The following NALF1 variants were observed in gnomAD, a reference collection of about 807,000 sequenced individuals.
The protein encoded by NALF1 is NALCN channel auxiliary factor 1.
In NALF1, 3 loss-of-function variants were observed where a neutral mutation model predicts 48.4. That is an observed-to-expected ratio of 0.06 (90% CI 0.03 to 0.16). The LOEUF (loss-of-function observed/expected upper bound fraction) is 0.16. Among genes scored for constraint, NALF1 ranks in the 10% least tolerant of loss-of-function variants. The probability of loss-of-function intolerance (pLI) is 1.00; values close to 1 mark genes in which losing one functional copy is unlikely to be tolerated. For missense variants in NALF1, 526 were observed against 571.5 expected, an observed-to-expected ratio of 0.92 and a Z score of 0.81; for synonymous variants, 262 against 245.7, an observed-to-expected ratio of 1.07 and a Z score of -0.62.
At chr13:107,652,131 A>T (rs952347595) in intron 1 of NALF1, among the ~76,000 whole-genome samples, 3 of 152,166 alleles carry the variant, frequency 2.0e-5, no homozygotes, top group Non-Finnish European at 2.9e-5. Context: ...CTCTTCTGTT[A>T]CTTGGACTGG....
intron 1 of NALF1, among the ~76,000 whole-genome samples, chr13:107,707,594 C>A (rs74112577): frequency 6.6e-6 from 1 of 152,144 alleles, no homozygotes; most frequent in Non-Finnish European, 1.5e-5. Flanking sequence ...TTGAGCCAAG[C>A]GGGCAGGAAT....
chr13:107,590,232 A>G (rs976506638), intron 1 of NALF1, among the ~76,000 whole-genome samples: 16 of 152,052 alleles, frequency 1.1e-4, no homozygotes, highest in Non-Finnish European at 1.2e-4. Context: ...AATATTCAAC[A>G]TCTGACTTGC....
intron 1 of NALF1, among the ~76,000 whole-genome samples, chr13:107,220,593 A>G (rs1007333583): frequency 2.0e-5 from 3 of 152,240 alleles, no homozygotes; most frequent in Non-Finnish European, 4.4e-5. Context: ...GTCTGACAGT[A>G]GATAGGTGCC....
chr13:107,711,159 C>A (rs1875578493), intron 1 of NALF1, among the ~76,000 whole-genome samples: 2 of 152,182 alleles, frequency 1.3e-5, no homozygotes, highest in African/African-American at 4.8e-5. Flanking sequence ...TACCTCATCT[C>A]CTCACTACCT....
At chr13:107,526,387 T>A (rs1262981601) in intron 1 of NALF1, among the ~76,000 whole-genome samples, 1 of 152,182 alleles carries the variant, frequency 6.6e-6, no homozygotes, top group Non-Finnish European at 1.5e-5. Context: ...CTTAATTCTG[T>A]TTCAATTGAT....
intron 1 of NALF1, among the ~76,000 whole-genome samples, chr13:107,244,899 G>T (rs1880549175): frequency 6.6e-6 from 1 of 152,144 alleles, no homozygotes; most frequent in Non-Finnish European, 1.5e-5. Flanking sequence ...TCATCAGTAG[G>T]TAGTGGAGAT....
chr13:107,780,399 A>G (rs567958420), intron 1 of NALF1, among the ~76,000 whole-genome samples: 2 of 152,204 alleles, frequency 1.3e-5, no homozygotes, highest in African/African-American at 2.4e-5. Flanking sequence ...TCTTTGCTCA[A>G]TTTTAAGTTT....
intron 1 of NALF1, among the ~76,000 whole-genome samples, chr13:107,583,533 T>A (rs1009459039): frequency 6.6e-6 from 1 of 152,174 alleles, no homozygotes; most frequent in Admixed American, 6.5e-5. Context: ...ACTATTACAA[T>A]GGCTATTGTG....
At chr13:107,563,647 T>C (rs1439276031) in intron 1 of NALF1, among the ~76,000 whole-genome samples, 1 of 152,194 alleles carries the variant, frequency 6.6e-6, no homozygotes, top group East Asian at 1.9e-4. Flanking sequence ...TTTACTTCTG[T>C]CCCTCTTTAC....
chr13:107,458,984 C>T (rs763911141), intron 1 of NALF1, among the ~76,000 whole-genome samples: 1 of 151,544 alleles, frequency 6.6e-6, no homozygotes, highest in South Asian at 2.1e-4. Flanking sequence ...TTATAATTGA[C>T]GACCTTGAGT....
chr13:107,862,710 C>T (rs897905408), intron 1 of NALF1, among the ~76,000 whole-genome samples: 1 of 151,862 alleles, frequency 6.6e-6, no homozygotes, highest in African/African-American at 2.4e-5. Context: ...AAGTTTGAGA[C>T]ACTATAATTT....
At chr13:107,425,787 G>T (rs1468645099) in intron 1 of NALF1, among the ~76,000 whole-genome samples, 1 of 151,960 alleles carries the variant, frequency 6.6e-6, no homozygotes, top group African/African-American at 2.4e-5. Flanking sequence ...CTGTAGTATG[G>T]TGTTGAGTAT....
intron 1 of NALF1, among the ~76,000 whole-genome samples, chr13:107,709,105 A>G (rs966891093): frequency 7.9e-5 from 12 of 152,214 alleles, no homozygotes; most frequent in Admixed American, 5.2e-4. Context: ...ACTTTAGAGT[A>G]TTTGTTTCAG....
chr13:107,603,822 G>A (rs1222209697), intron 1 of NALF1, among the ~76,000 whole-genome samples: 1 of 152,062 alleles, frequency 6.6e-6, no homozygotes, highest in Non-Finnish European at 1.5e-5. Flanking sequence ...AAAATGACTT[G>A]CTTTTTGCAC....
In NALF1 at chr13:107,356,266, A is replaced by C. The variant is rs895150941; in HGVS notation, c.916-145511T>G. On this transcript the variant is annotated intron_variant, in intron 1 of 2. Transcript: ENST00000375915. ...AGTTCTTAAAGATGATTTTCATTAGATATTTTAGGATATCTGAATCTATGT... is the reference window on the plus strand; with the variant it reads ...AGTTCTTAAAGATGATTTTCATTAGCTATTTTAGGATATCTGAATCTATGT... Among the ~76,000 whole-genome samples the C allele has an allele frequency of 2.6e-5, 4 of 152,348 alleles. No individual in the cohort carries two copies. In the East Asian group the frequency reaches 7.7e-4, roughly 29 times the overall value.
intron 1 of NALF1, among the ~76,000 whole-genome samples, chr13:107,241,904 C>T (rs1253993205): frequency 6.6e-6 from 1 of 152,126 alleles, no homozygotes; most frequent in Non-Finnish European, 1.5e-5. Context: ...GAAGACATAC[C>T]CCACGGAATG....
intron 1 of NALF1, among the ~76,000 whole-genome samples, chr13:107,476,808 C>T (rs185453999): frequency 6.6e-6 from 1 of 152,094 alleles, no homozygotes; most frequent in African/African-American, 2.4e-5. Flanking sequence ...CACAGAGACC[C>T]TCTGCTGGGT....
At chr13:107,772,740 A>G (rs565582489) in intron 1 of NALF1, among the ~76,000 whole-genome samples, 3 of 152,178 alleles carry the variant, frequency 2.0e-5, no homozygotes, top group Non-Finnish European at 2.9e-5. Context: ...GGCCTTGACT[A>G]TTAGCCTGTT....
intron 1 of NALF1, among the ~76,000 whole-genome samples, chr13:107,421,189 T>A (rs1473417447): frequency 6.6e-6 from 1 of 152,158 alleles, no homozygotes; most frequent in South Asian, 2.1e-4. Context: ...ACCATCAGCA[T>A]TGAGACCTTA....
Sources: gnomAD v4.1 joint callset for allele counts (sites outside exome capture counted in the v4.1 genomes callset) on GRCh38, gnomAD v4.1.1 for gene constraint, MANE v1.5 for transcripts, NCBI Gene and HGNC (gene_info 2026-07-23, HGNC 2026-07-21) for gene names.